Variants in OGG1 observed in about 807,000 individuals in gnomAD.
OGG1 encodes N-glycosylase/DNA lyase.
A neutral mutation model predicts 42.3 loss-of-function variants in OGG1; 35 were observed. The ratio of observed to expected loss-of-function variants is 0.83; its 90% confidence interval spans 0.63 to 1.10. The LOEUF (loss-of-function observed/expected upper bound fraction) is 1.10, where lower values mean the gene tolerates loss of function less well. Among genes scored for constraint, OGG1 ranks in the 50% least tolerant of loss-of-function variants. The pLI is 0.00. For missense variants in OGG1, 484 were observed against 446.7 expected, an observed-to-expected ratio of 1.08 and a Z score of -0.75; for synonymous variants, 189 against 179.0, an observed-to-expected ratio of 1.06 and a Z score of -0.44.
At chr3:9,759,458 C>A (rs2077741518), downstream of OGG1, 1 of 1,613,874 alleles carries the variant, frequency 6.2e-7, no homozygotes, top group African/African-American at 1.3e-5. Flanking sequence ...CCTGGGGAGG[C>A]TGGGACCAGA....
At chr3:9,750,767 G>T (rs2077264696) in intron 1 of OGG1, 178 bp from the exon 2 acceptor site, 1 of 828,860 alleles carries the variant, frequency 1.2e-6, no homozygotes, top group South Asian at 1.6e-5. Flanking sequence ...TGTGCGCCAT[G>T]CCCGGTTAAA....
At chr3:9,765,912 A>G (rs1470216066) in exon 8 of OGG1, 9 of 1,613,102 alleles carry the variant, frequency 5.6e-6, no homozygotes, top group South Asian at 1.1e-5. Context: ...GGGGATTCAC[A>G]AGGTGAAGAA....
chr3:9,779,693 G>A (rs374786917), intron 2 of OGG1, among the ~76,000 whole-genome samples: 6 of 151,962 alleles, frequency 3.9e-5, no homozygotes, highest in South Asian at 2.1e-4. Flanking sequence ...CTGAAGAATT[G>A]CTAGATTGGC....
chr3:9,762,835 G>A, intron 7 of OGG1: 2 of 1,445,796 alleles, frequency 1.4e-6, no homozygotes. Flanking sequence ...GGTGAAAGTT[G>A]CCCAAGGTCA....
intron 5 of OGG1, 60 bp from the exon 6 acceptor site, chr3:9,756,707 A>G (rs1377046112): frequency 7.4e-6 from 12 of 1,612,480 alleles, no homozygotes; most frequent in Non-Finnish European, 4.2e-6. Flanking sequence ...CTCAGACCCT[A>G]CTTCTGTTGA....
chr3:9,758,822 GT>G, downstream of OGG1: 1 of 287,286 alleles, frequency 3.5e-6, no homozygotes, highest in Non-Finnish European at 6.8e-6. Flanking sequence ...TAGAGACAGG[GT>G]TTTGCCATGT....
downstream of OGG1, chr3:9,767,750 G>C (rs1488542944): frequency 6.2e-7 from 1 of 1,613,834 alleles, no homozygotes; most frequent in Non-Finnish European, 8.5e-7. Context: ...CCCCCAGCAT[G>C]GCCCACTGCC....
At chr3:9,786,975 T>C (rs751555341) in intron 3 of OGG1, 2 of 1,571,712 alleles carry the variant, frequency 1.3e-6, no homozygotes, top group East Asian at 4.5e-5. Flanking sequence ...ACAAAGTAAA[T>C]ATGGTTCCTC....
At chr3:9,783,288 T>C (rs2078523224) in intron 3 of OGG1, 1 of 151,520 alleles carries the variant, frequency 6.6e-6, no homozygotes, top group Admixed American at 6.6e-5. Context: ...TACTAAACTG[T>C]ACACTTAAAA....
chr3:9,767,544 C>T, downstream of OGG1: 3 of 1,289,700 alleles, frequency 2.3e-6, no homozygotes, highest in Non-Finnish European at 3.3e-6. Flanking sequence ...AGTTTAGGCC[C>T]TAGATAGTGC....
At chr3:9,787,902 G>A (rs1403502181) in exon 4 of OGG1, 1 of 377,594 alleles carries the variant, frequency 2.6e-6, no homozygotes, top group Admixed American at 3.7e-5. Context: ...GAGACAAGAG[G>A]GAGAGAAGAG....
rs1559702226 is a variant in OGG1 at position 9,764,624 on chromosome 3, TTTTG to T, written c.1049-1181_1049-1178del. Among the ~76,000 whole-genome samples, 256 of 129,804 alleles carry T rather than the reference TTTTG, an allele frequency of 2.0e-3. 17 individuals are homozygous for T. Among genetic ancestry groups the T allele is most frequent in the African/African-American group, 6.4e-3 (219 of 34,422 alleles). 85.2% of individuals were successfully genotyped at this position (129,804 alleles called of 152,430 possible). A position where few individuals can be genotyped will look rare whatever the true frequency, so the allele number is the denominator to read the frequency against. ...ACTGCGCCTGGCGTTTTTGTTTTTTTTTTGTTTTTTTTTTTTTTTTTGAGATGGA... is the reference window on the plus strand; with the variant it reads ...ACTGCGCCTGGCGTTTTTGTTTTTTTTTTTTTTTTTTTTTTTTGAGATGGA... On this transcript the variant is annotated intron_variant, in intron 7 of 7. Coordinates refer to the OGG1 transcript ENST00000302008.
Position 9,750,322 on chromosome 3 carries a change from G to A in OGG1, c.36G>A (p.Gly12=). The change falls in exon 1 of 7, where the codon GGG becomes GGA. Residue 12 remains glycine (G), a synonymous_variant. Coordinates refer to ENST00000344629, the MANE Select transcript of OGG1 (RefSeq NM_002542.6). ...GCGCGCTTCTGCCCAGGCGCATGGG[G>A]CATCGTACTCTAGCCTCCACTCCTG... ...PARALLPRRM[G]HRTLASTPAL... 1.9e-6 allele frequency: 3 copies of A among 1,613,770 alleles called. No homozygotes were observed. The highest frequency in any genetic ancestry group is 2.5e-6 in the Non-Finnish European group (3 of 1,179,988).
At chr3:9,769,710 G>C (rs1427795367), downstream of OGG1, 1 of 152,396 alleles carries the variant, frequency 6.6e-6, no homozygotes, top group East Asian at 1.9e-4. Flanking sequence ...TGCCCCTCAG[G>C]GTCCAGCCCG....
downstream of OGG1, among the ~76,000 whole-genome samples, chr3:9,770,342 C>T (rs762681910): frequency 6.6e-6 from 1 of 152,116 alleles, no homozygotes; most frequent in Non-Finnish European, 1.5e-5. Flanking sequence ...TTCTCCGTGC[C>T]CTGAAGGGAA....
chr3:9,767,828 G>C, downstream of OGG1: 2 of 1,572,228 alleles, frequency 1.3e-6, no homozygotes, highest in Non-Finnish European at 1.7e-6. Context: ...CCAGCCCTCT[G>C]TCTGGGAATT....
chr3:9,766,425 A>G lies in OGG1; in HGVS notation c.*594A>G, dbSNP rs557267204. 1.1e-5 allele frequency: 5 copies of G among 464,440 alleles called. No individual in the cohort carries two copies. In the East Asian group the frequency reaches 1.8e-4, roughly 16 times the overall value. 28.8% of individuals were successfully genotyped at this position (464,440 alleles called of 1,614,324 possible). A position where few individuals can be genotyped will look rare whatever the true frequency, so the allele number is the denominator to read the frequency against. ...TTTAGAACCTTAAAGAACCATCAGC[A>G]TCACCCGGGAACTTTTTTAGAAATG... is the stretch of plus-strand genomic sequence containing the variant. On this transcript the variant is annotated 3_prime_UTR_variant, in exon 8 of 8. Coordinates refer to the OGG1 transcript ENST00000302008.
intron 3 of OGG1, among the ~76,000 whole-genome samples, chr3:9,754,120 A>G (rs2077430544): frequency 6.6e-6 from 1 of 152,204 alleles, no homozygotes; most frequent in Non-Finnish European, 1.5e-5. Context: ...AGCCTGGGTG[A>G]CAGAGCAAGA....
downstream of OGG1, chr3:9,758,814 G>T (rs2077709391): frequency 3.7e-6 from 1 of 268,066 alleles, no homozygotes; most frequent in Non-Finnish European, 7.3e-6. Flanking sequence ...ATTTTTAGTA[G>T]AGACAGGGTT....
Sources: allele counts gnomAD v4.1 joint callset (sites outside exome capture counted in the v4.1 genomes callset), GRCh38; gene constraint gnomAD v4.1.1; transcripts MANE v1.5; gene names NCBI Gene and HGNC (gene_info 2026-07-23, HGNC 2026-07-21).